Variants in DACH1 observed in about 807,000 individuals in gnomAD.
DACH1 encodes the protein dachshund homolog 1.
Under a neutral mutation model 54.2 loss-of-function variants are expected in DACH1, and 12 were observed. That is an observed-to-expected ratio of 0.22 (90% CI 0.14 to 0.36). DACH1 has a LOEUF of 0.36. DACH1 is among the 10% of genes least tolerant of loss of function. The pLI is 1.00. For synonymous variants in DACH1, 386 were observed against 366.2 expected (o/e 1.05, Z -0.62); for missense variants, 805 against 929.8 (o/e 0.87, Z 1.75).
At chr13:71,729,384 A>G (rs887289144) in intron 1 of DACH1, among the ~76,000 whole-genome samples, 4 of 152,042 alleles carry the variant, frequency 2.6e-5, no homozygotes, top group Non-Finnish European at 5.9e-5. Context: ...TCACACACAA[A>G]TGAATACATA....
At chr13:71,688,965 T>C (rs1241510609) in intron 1 of DACH1, among the ~76,000 whole-genome samples, 1 of 152,236 alleles carries the variant, frequency 6.6e-6, no homozygotes, top group African/African-American at 2.4e-5. Context: ...GAGTTTTCAC[T>C]ATATTAATAT....
intron 1 of DACH1, among the ~76,000 whole-genome samples, chr13:71,742,141 C>T (rs985318395): frequency 1.1e-4 from 17 of 151,986 alleles, no homozygotes; most frequent in Non-Finnish European, 2.4e-4. Context: ...TTTCTCTTGC[C>T]GCTGCCATGT....
intron 2 of DACH1, among the ~76,000 whole-genome samples, chr13:71,638,828 C>A (rs1452149549): frequency 6.6e-6 from 1 of 152,156 alleles, no homozygotes; most frequent in Non-Finnish European, 1.5e-5. Flanking sequence ...AAGTGGCATA[C>A]AGAGAAACTT....
intron 6 of DACH1, among the ~76,000 whole-genome samples, chr13:71,523,564 GAGGA>G (rs1270408134): frequency 6.6e-6 from 1 of 152,096 alleles, no homozygotes; most frequent in African/African-American, 2.4e-5. Context: ...TGTAAAAAGA[GAGGA>G]AGGGCCTAGA....
At chr13:71,761,493 C>T (rs752493063) in intron 1 of DACH1, among the ~76,000 whole-genome samples, 6 of 152,116 alleles carry the variant, frequency 3.9e-5, no homozygotes, top group Non-Finnish European at 5.9e-5. Flanking sequence ...AAGTAGGAAG[C>T]GAGATGAATT....
intron 1 of DACH1, among the ~76,000 whole-genome samples, chr13:71,852,945 G>A (rs1001759337): frequency 3.9e-5 from 6 of 152,124 alleles, no homozygotes; most frequent in South Asian, 2.1e-4. Context: ...GATGAGAGCT[G>A]GGTCATTTGC....
intron 1 of DACH1, among the ~76,000 whole-genome samples, chr13:71,785,794 A>G (rs1886567388): frequency 6.6e-6 from 1 of 152,176 alleles, no homozygotes; most frequent in Admixed American, 6.5e-5. Flanking sequence ...TTAACATCCT[A>G]ACATGTTTTT....
intron 3 of DACH1, among the ~76,000 whole-genome samples, chr13:71,575,163 T>C (rs920053776): frequency 1.3e-5 from 2 of 152,020 alleles, no homozygotes; most frequent in African/African-American, 2.4e-5. Flanking sequence ...ATGTTATCAG[T>C]TAAAACTGAC....
In DACH1 at chr13:71,783,003, T is replaced by A. The variant is rs559969308; in HGVS notation, c.848+82919A>T. The stretch of plus-strand genomic sequence containing the variant: ...AATAATAAGAGACTGGCATTGACAG[T>A]GAAAGAGGGAAGGATCAATAATAAG... On this transcript the variant is annotated intron_variant, in intron 1 of 10. Coordinates refer to ENST00000613252, the MANE Select transcript of DACH1 (RefSeq NM_080759.6). 2.6e-5 allele frequency among the ~76,000 whole-genome samples: 4 copies of A among 152,094 alleles called. No individual in the cohort carries two copies. The East Asian group carries it at 7.7e-4, about 29-fold the overall frequency.
intron 1 of DACH1, among the ~76,000 whole-genome samples, chr13:71,816,632 ACACACATATGTGTG>A (rs1887954772): frequency 3.8e-5 from 1 of 26,146 alleles, no homozygotes; most frequent in African/African-American, 8.4e-5. Context: ...GTATATATAC[ACACACATATGTGTG>A]TATATATATA....
chr13:71,721,655 T>G (rs1293929993), intron 1 of DACH1, among the ~76,000 whole-genome samples: 1 of 152,034 alleles, frequency 6.6e-6, no homozygotes, highest in Non-Finnish European at 1.5e-5. Flanking sequence ...CATTTTCTTC[T>G]CTTTTGTTTC....
At chr13:71,830,908 C>A (rs960357775) in intron 1 of DACH1, among the ~76,000 whole-genome samples, 7 of 151,810 alleles carry the variant, frequency 4.6e-5, no homozygotes, top group African/African-American at 1.7e-4. Flanking sequence ...CAGTCAATAG[C>A]CCAAGACTGA....
intron 10 of DACH1, among the ~76,000 whole-genome samples, chr13:71,453,372 T>C (rs1201530484): frequency 1.3e-5 from 2 of 152,140 alleles, no homozygotes; most frequent in South Asian, 2.1e-4. Context: ...TTTGATCAAA[T>C]AAGATGCTAC....
intron 1 of DACH1, among the ~76,000 whole-genome samples, chr13:71,788,389 A>T (rs533849155): frequency 2.7e-4 from 41 of 152,246 alleles, no homozygotes; most frequent in Non-Finnish European, 4.0e-4. Context: ...ATGTGTGAGT[A>T]TCTGTGTTTA....
chr13:71,748,006 G>C (rs913112302), intron 1 of DACH1, among the ~76,000 whole-genome samples: 1 of 152,130 alleles, frequency 6.6e-6, no homozygotes, highest in Non-Finnish European at 1.5e-5. Context: ...AATATGGAGA[G>C]ACCTTTGGGG....
chr13:71,823,770 G>A (rs972757123), intron 1 of DACH1, among the ~76,000 whole-genome samples: 6 of 151,888 alleles, frequency 4.0e-5, no homozygotes, highest in African/African-American at 1.2e-4. Flanking sequence ...GATAAGCACT[G>A]TTAAATGATA....
chr13:71,690,288 A>T (rs1881409728), intron 1 of DACH1, among the ~76,000 whole-genome samples: 1 of 152,220 alleles, frequency 6.6e-6, no homozygotes, highest in African/African-American at 2.4e-5. Context: ...AGCATACATT[A>T]TGCATCTACA....
intron 1 of DACH1, among the ~76,000 whole-genome samples, chr13:71,734,032 G>C (rs138583892): frequency 9.6e-4 from 146 of 151,788 alleles, no homozygotes; most frequent in Admixed American, 2.4e-3. Context: ...CTGAGTGGCA[G>C]AGCAACACTC....
chr13:71,540,693 C>T (rs1216787842), intron 6 of DACH1, among the ~76,000 whole-genome samples: 2 of 151,916 alleles, frequency 1.3e-5, no homozygotes, highest in African/African-American at 4.8e-5. Context: ...CATTTTGAAA[C>T]CTTATAGAGC....
Sources: allele counts gnomAD v4.1 joint callset (sites outside exome capture counted in the v4.1 genomes callset), GRCh38; gene constraint gnomAD v4.1.1; transcripts MANE v1.5; gene names NCBI Gene and HGNC (gene_info 2026-07-23, HGNC 2026-07-21).